The following TOPBP1 variants were observed in gnomAD, a reference collection of about 807,000 sequenced individuals.
TOPBP1 encodes the protein DNA topoisomerase 2-binding protein 1.
A neutral mutation model predicts 167.7 loss-of-function variants in TOPBP1; 28 were observed. That is an observed-to-expected ratio of 0.17 (90% CI 0.12 to 0.23). TOPBP1 has a LOEUF of 0.23. Ranked by LOEUF, TOPBP1 falls within the 10% of genes least tolerant of loss-of-function variation. TOPBP1 has a pLI of 1.00. For missense variants in TOPBP1, 1,554 were observed against 1,809.6 expected (o/e 0.86, Z 2.56); for synonymous variants, 598 against 611.4 (o/e 0.98, Z 0.32).
At position 133,644,149 on chromosome 3, in the gene TOPBP1, G is replaced by A. The variant is rs1476922871; in HGVS notation, c.1719C>T (p.Asn573=). ...TTTTCCCAGCATTTTCTTTTATGAT[G>A]TTTGCGATGTTAGATTCATTTTCAT... ...FSNENESNIA[N]IIKENAGKIM... The change falls in exon 11 of 28, where the codon AAC becomes AAT. Residue 573 remains asparagine (N), a synonymous_variant. Transcript: ENST00000260810. The A allele has an allele frequency of 1.2e-6, 2 of 1,613,868 alleles. No homozygotes were observed. Among genetic ancestry groups the A allele is most frequent in the Admixed American group, 1.7e-5 (1 of 59,978 alleles).
At chr3:133,659,217 T>C in intron 2 of TOPBP1, 67 bp from the exon 3 acceptor site, 1 of 1,423,788 alleles carries the variant, frequency 7.0e-7, no homozygotes, top group Non-Finnish European at 9.3e-7. Flanking sequence ...CTATTCAAAT[T>C]CCATCTCAAA....
chr3:133,611,729 G>A (rs558554848), intron 24 of TOPBP1, among the ~76,000 whole-genome samples: 83 of 152,258 alleles, frequency 5.5e-4, no homozygotes, highest in African/African-American at 2.0e-3. Flanking sequence ...AATTTTATGA[G>A]CAGTCAGCAA....
chr3:133,635,221 A>G (rs541707190), intron 14 of TOPBP1, among the ~76,000 whole-genome samples: 1 of 152,208 alleles, frequency 6.6e-6, no homozygotes, highest in Admixed American at 6.5e-5. Context: ...ATGTGCTGGG[A>G]TAACAGGCAT....
chr3:133,639,159 C>A (rs896950535), intron 13 of TOPBP1, among the ~76,000 whole-genome samples: 1 of 152,166 alleles, frequency 6.6e-6, no homozygotes, highest in African/African-American at 2.4e-5. Flanking sequence ...GACACATGTA[C>A]ACATATGTTT....
chr3:133,652,056 G>A (rs963507628), intron 8 of TOPBP1, among the ~76,000 whole-genome samples: 1 of 151,862 alleles, frequency 6.6e-6, no homozygotes. Context: ...CTGATGCCCA[G>A]GAGTTCAAGG....
At chr3:133,653,235 G>A in intron 7 of TOPBP1, 110 bp downstream of exon 7, 2 of 1,084,100 alleles carry the variant, frequency 1.8e-6, no homozygotes. Flanking sequence ...TAGAAGCACA[G>A]CAAACAAGAA....
At chr3:133,627,686 G>T (rs1336296632) in intron 16 of TOPBP1, among the ~76,000 whole-genome samples, 1 of 152,094 alleles carries the variant, frequency 6.6e-6, no homozygotes, top group Non-Finnish European at 1.5e-5. Flanking sequence ...TCTATGAATG[G>T]CTGAACACAA....
At chr3:133,645,459 G>A (rs970681917) in intron 10 of TOPBP1, among the ~76,000 whole-genome samples, 19 of 152,188 alleles carry the variant, frequency 1.2e-4, no homozygotes, top group African/African-American at 4.3e-4. Context: ...TTAAAGGTGA[G>A]GCAATACTAT....
At chr3:133,610,555 T>TA (rs1489040433) in intron 25 of TOPBP1, among the ~76,000 whole-genome samples, 6 of 151,598 alleles carry the variant, frequency 4.0e-5, no homozygotes, top group Non-Finnish European at 1.5e-5. Flanking sequence ...GTACAGTTGA[T>TA]AGTGTTGTGA....
chr3:133,617,026 T>C (rs1934915662), intron 22 of TOPBP1, 101 bp from the exon 23 acceptor site: 1 of 1,292,332 alleles, frequency 7.7e-7, no homozygotes, highest in Non-Finnish European at 1.0e-6. Context: ...AGTTATGAAA[T>C]ATACAAATAA....
intron 21 of TOPBP1, 135 bp from the exon 22 acceptor site, chr3:133,617,461 A>G (rs761018395): frequency 3.4e-5 from 32 of 953,808 alleles, no homozygotes; most frequent in Non-Finnish European, 4.2e-5. Context: ...CAGGCAAAAA[A>G]GTATCCTATC....
At chr3:133,650,435 C>A (rs1258415759) in intron 8 of TOPBP1, among the ~76,000 whole-genome samples, 1 of 151,974 alleles carries the variant, frequency 6.6e-6, no homozygotes, top group Non-Finnish European at 1.5e-5. Context: ...TGCTTACGCT[C>A]TTTAAATCAA....
chr3:133,626,258 T>C (rs934823760), intron 16 of TOPBP1, among the ~76,000 whole-genome samples: 2 of 152,200 alleles, frequency 1.3e-5, no homozygotes, highest in Non-Finnish European at 2.9e-5. Context: ...ACACCCTTGG[T>C]CTAGATCAGC....
chr3:133,616,916 T>A lies in TOPBP1; in HGVS notation c.3769A>T (p.Ile1257Leu). Residue 1257 changes from isoleucine to leucine, a missense_variant, in exon 23 of 28, where the codon ATA becomes TTA. Ile to Leu is a conservative substitution (Grantham distance 5, BLOSUM62 2). Around this residue, in one of 3 missense-constraint regions of TOPBP1, gnomAD observed 351 missense variants for 432.9 expected, o/e 0.81. Transcript: ENST00000260810. Reference protein sequence around the residue: ...APHPREKIITIEETHEELKKQ... With the variant: ...APHPREKIITLEETHEELKKQ... Reference sequence around the variant, plus strand: ...TTTAATTCTTCATGAGTCTCCTCTATCGTTATAATCTGGAATGAAAGTTTT... The same window carrying A: ...TTTAATTCTTCATGAGTCTCCTCTAACGTTATAATCTGGAATGAAAGTTTT... 6.6e-7 allele frequency: 1 copy of A among 1,505,236 alleles called. No homozygotes were observed. Among genetic ancestry groups the A allele is most frequent in the Non-Finnish European group, 8.9e-7 (1 of 1,127,976 alleles). 93.2% of individuals were successfully genotyped at this position (1,505,236 alleles called of 1,614,324 possible).
intron 2 of TOPBP1, among the ~76,000 whole-genome samples, chr3:133,660,754 G>A (rs868539661): frequency 1.3e-5 from 2 of 151,998 alleles, no homozygotes; most frequent in African/African-American, 4.8e-5. Context: ...TCTACAGCAC[G>A]CAAAGGACCA....
In TOPBP1 at chr3:133,655,328, A is replaced by G; in HGVS notation, c.704T>C (p.Met235Thr). The G allele has an allele frequency of 1.3e-6, 2 of 1,572,658 alleles. No individual in the cohort carries two copies. The highest frequency in any genetic ancestry group is 1.2e-5 in the South Asian group (1 of 83,856). Residue 235 changes from methionine to threonine, a missense_variant, in exon 6 of 28, where the codon ATG becomes ACG. By Grantham distance (81) the Met-to-Thr change is moderately conservative. Coordinates refer to ENST00000260810, the MANE Select transcript of TOPBP1 (RefSeq NM_007027.4). The stretch of plus-strand genomic sequence containing the variant: ...CACAATGAGGTGTGTACATTCATTC[A>G]TTTTCAATTGTCCCATGTATTGACC... ...HGGQYMGQLK[M>T]NECTHLIVQE... is the part of the protein sequence containing the mutation.
chr3:133,617,055 A>G, intron 22 of TOPBP1, 105 bp downstream of exon 22: 2 of 1,416,946 alleles, frequency 1.4e-6, no homozygotes, highest in Non-Finnish European at 1.9e-6. Context: ...TGCAAAAAAT[A>G]GTTTTCAACA....
At chr3:133,651,185 TTTTTTTTTTTTA>T (rs1318283769) in intron 8 of TOPBP1, among the ~76,000 whole-genome samples, 2 of 148,578 alleles carry the variant, frequency 1.3e-5, no homozygotes, top group Non-Finnish European at 3.0e-5. Context: ...TTTTTTTTTT[TTTTTTTTTTTTA>T]AATTTTGAGA....
chr3:133,639,849 G>T, intron 13 of TOPBP1, 110 bp downstream of exon 13: 1 of 1,128,896 alleles, frequency 8.9e-7, no homozygotes, highest in Non-Finnish European at 1.2e-6. Context: ...TGCACCCAAT[G>T]TGAAAAGCAA....
Sources: gnomAD v4.1 joint callset for allele counts (sites outside exome capture counted in the v4.1 genomes callset) on GRCh38, gnomAD v4.1.1 for gene constraint, gnomAD v4.1.1 regional missense constraint, MANE v1.5 for transcripts, NCBI Gene and HGNC (gene_info 2026-07-23, HGNC 2026-07-21) for gene names.